ARHGAP44: variants seen among roughly 807,000 people sequenced by gnomAD.
ARHGAP44 encodes the protein rho GTPase-activating protein 44.
ARHGAP44 carries 43 observed loss-of-function variants against 106.8 expected under a neutral mutation model. That is an observed-to-expected ratio of 0.40 (90% confidence interval 0.32 to 0.52). The LOEUF is 0.52. Among genes scored for constraint, ARHGAP44 ranks in the 20% least tolerant of loss-of-function variants. The pLI is 0.48. For synonymous variants in ARHGAP44, 439 were observed against 410.3 expected, an observed-to-expected ratio of 1.07 and a Z score of -0.85; for missense variants, 866 against 1,050.5, an observed-to-expected ratio of 0.82 and a Z score of 2.43.
chr17:12,868,611 A>ATATATATATC, intron 1 of ARHGAP44, among the ~76,000 whole-genome samples: 1 of 143,124 alleles, frequency 7.0e-6, no homozygotes, highest in East Asian at 2.0e-4. Context: ...ATATATATAT[A>ATATATATATC]TATATATATA....
At chr17:12,920,617 G>T (rs377188173) in intron 6 of ARHGAP44, among the ~76,000 whole-genome samples, 1 of 152,106 alleles carries the variant, frequency 6.6e-6, no homozygotes, top group Non-Finnish European at 1.5e-5. Context: ...TGGCTGGGGC[G>T]GAAGGAGCAA....
intron 3 of ARHGAP44, among the ~76,000 whole-genome samples, chr17:12,905,334 A>G (rs1355022232): frequency 6.6e-6 from 1 of 152,180 alleles, no homozygotes; most frequent in Non-Finnish European, 1.5e-5. Context: ...GAGGATGTCA[A>G]AATCATTAGT....
intron 19 of ARHGAP44, among the ~76,000 whole-genome samples, chr17:12,983,743 G>T (rs1250132990): frequency 6.6e-6 from 1 of 152,124 alleles, no homozygotes; most frequent in Non-Finnish European, 1.5e-5. Context: ...GGCGGAGGTT[G>T]TGGTGAGCGG....
At chr17:12,945,434 A>G (rs963186702) in intron 10 of ARHGAP44, among the ~76,000 whole-genome samples, 1 of 152,192 alleles carries the variant, frequency 6.6e-6, no homozygotes, top group African/African-American at 2.4e-5. Context: ...TGATCTGATT[A>G]GCCAATCAGT....
At chr17:12,800,046 G>C (rs184470156) in intron 1 of ARHGAP44, among the ~76,000 whole-genome samples, 2 of 152,284 alleles carry the variant, frequency 1.3e-5, no homozygotes, top group Admixed American at 6.5e-5. Context: ...TATTGTCAAG[G>C]TTAAGTAAGA....
chr17:12,911,974 C>T (rs927110074), intron 4 of ARHGAP44, among the ~76,000 whole-genome samples: 8 of 152,228 alleles, frequency 5.3e-5, no homozygotes, highest in Admixed American at 2.0e-4. Flanking sequence ...GACGCAACCA[C>T]GTCTTTCTAC....
At position 12,910,588 on chromosome 17, in the gene ARHGAP44, G is replaced by A. The variant is rs148544032; in HGVS notation, c.275+1615G>A. ...CACCTCCCGAGTAGCTGGGATTATA[G>A]GCGGGTGCCACCACGCCGGGCTAAT... On this transcript the variant is annotated intron_variant, in intron 4 of 20. Transcript: ENST00000379672. Among the ~76,000 whole-genome samples the A allele has an allele frequency of 8.7e-3, 1,317 of 151,308 alleles. 72 individuals carry two copies. In the East Asian group the frequency reaches 0.17, roughly 19 times the overall value.
chr17:12,907,312 A>G (rs1280452060), intron 3 of ARHGAP44, among the ~76,000 whole-genome samples: 2 of 152,316 alleles, frequency 1.3e-5, no homozygotes, highest in Non-Finnish European at 2.9e-5. Context: ...GGATCATGCT[A>G]AACTCCTATC....
chr17:12,828,746 A>G (rs1357263602), intron 1 of ARHGAP44, among the ~76,000 whole-genome samples: 11 of 144,000 alleles, frequency 7.6e-5, no homozygotes, highest in Non-Finnish European at 1.2e-4. Flanking sequence ...GGTTCATGCC[A>G]TTCTCCTGCC....
intron 1 of ARHGAP44, among the ~76,000 whole-genome samples, chr17:12,867,383 G>A (rs568665654): frequency 2.0e-5 from 3 of 152,240 alleles, no homozygotes; most frequent in South Asian, 4.1e-4. Context: ...GCCAGGGGTG[G>A]GAGGCATGTA....
chr17:12,850,564 A>G (rs11867207), intron 1 of ARHGAP44, among the ~76,000 whole-genome samples: 6,307 of 151,862 alleles, frequency 0.042, 190 homozygotes, highest in East Asian at 0.13. Flanking sequence ...TGGCCTCCAC[A>G]TCACCATGGG....
intron 5 of ARHGAP44, among the ~76,000 whole-genome samples, chr17:12,916,926 GA>G (rs1286966425): frequency 6.6e-6 from 1 of 152,158 alleles, no homozygotes; most frequent in East Asian, 1.9e-4. Context: ...TCCGAAATCT[GA>G]AATATTTTGA....
At chr17:12,946,451 G>C (rs2038852925) in intron 10 of ARHGAP44, among the ~76,000 whole-genome samples, 1 of 148,364 alleles carries the variant, frequency 6.7e-6, no homozygotes, top group South Asian at 2.1e-4. Context: ...TTCAAGACCA[G>C]CCTGGGCAAC....
At chr17:12,843,172 A>G (rs1389825905) in intron 1 of ARHGAP44, among the ~76,000 whole-genome samples, 2 of 152,134 alleles carry the variant, frequency 1.3e-5, no homozygotes, top group African/African-American at 4.8e-5. Context: ...CAGCTGCTTA[A>G]GAGAGGTTAT....
rs2038260031 is a variant in ARHGAP44, at chr17:12,926,785, G to A, written c.465-2144G>A. On this transcript the variant is annotated intron_variant, in intron 6 of 20. Coordinates refer to ENST00000379672, the MANE Select transcript of ARHGAP44 (RefSeq NM_014859.6). ...AGCCATAAAAATCTACTTAGTGTTTGTAGTCACTTTATATATATTTTAAAC... is the reference window on the plus strand; with the variant it reads ...AGCCATAAAAATCTACTTAGTGTTTATAGTCACTTTATATATATTTTAAAC... 3.3e-5 allele frequency among the ~76,000 whole-genome samples: 5 copies of A among 151,846 alleles called. No individual in the cohort carries two copies. The South Asian group carries it at 1.0e-3, about 32-fold the overall frequency.
rs559014982 is a variant in ARHGAP44 at position 12,839,182 on chromosome 17, A to G, written c.53+49291A>G. 5.9e-5 allele frequency among the ~76,000 whole-genome samples: 9 copies of G among 152,256 alleles called. No individual in the cohort carries two copies. The South Asian group carries it at 1.5e-3, about 25-fold the overall frequency. ...CACACAAGTGAAAGGAAGATTGGCCATTTGTCATGGTCTGTTCCCAGAGTA... is the reference window on the plus strand; with the variant it reads ...CACACAAGTGAAAGGAAGATTGGCCGTTTGTCATGGTCTGTTCCCAGAGTA... On this transcript the variant is annotated intron_variant, in intron 1 of 20. Coordinates refer to ENST00000379672, the MANE Select transcript of ARHGAP44 (RefSeq NM_014859.6).
intron 1 of ARHGAP44, among the ~76,000 whole-genome samples, chr17:12,862,712 G>A (rs572231380): frequency 1.3e-5 from 2 of 152,050 alleles, no homozygotes; most frequent in African/African-American, 2.4e-5. Flanking sequence ...AAGATGATTG[G>A]GGCCAGGTGC....
At position 12,984,928 on chromosome 17, in the gene ARHGAP44, CCTCA is replaced by C. The variant is rs375334922; in HGVS notation, c.2317+23_2317+26del. ...CTACAGGTAACCAAGCCACAGGCTCCCTCACTTTTTTTTATGAACTTTAGTGAAA... is the reference window on the plus strand; with the variant it reads ...CTACAGGTAACCAAGCCACAGGCTCCCTTTTTTTTATGAACTTTAGTGAAA... On this transcript the variant is annotated intron_variant, in intron 20 of 20. Coordinates refer to ENST00000379672, the MANE Select transcript of ARHGAP44 (RefSeq NM_014859.6). The C allele has an allele frequency of 1.4e-4, 221 of 1,578,460 alleles. 2 individuals are homozygous for C. In the African/African-American group the frequency reaches 2.5e-3, roughly 18 times the overall value.
In ARHGAP44 at chr17:12,852,277, CTT is replaced by C. The variant is rs66824907; in HGVS notation, c.54-42646_54-42645del. On this transcript the variant is annotated intron_variant, in intron 1 of 20. Coordinates refer to ENST00000379672, the MANE Select transcript of ARHGAP44 (RefSeq NM_014859.6). ...CACCACTAAATCTTCACTTTTGAAGCTTTTTTTTTTTTTTTTTTGGTCAGTTT... is the reference window on the plus strand; with the variant it reads ...CACCACTAAATCTTCACTTTTGAAGCTTTTTTTTTTTTTTTTGGTCAGTTT... Among the ~76,000 whole-genome samples the C allele has an allele frequency of 7.8e-3, 573 of 73,536 alleles. 8 individuals are homozygous for C. The highest frequency in any genetic ancestry group is 0.031 in the African/African-American group (510 of 16,252). 48.2% of individuals were successfully genotyped at this position (73,536 alleles called of 152,430 possible).
Sources: allele counts gnomAD v4.1 joint callset (sites outside exome capture counted in the v4.1 genomes callset), GRCh38; gene constraint gnomAD v4.1.1; transcripts MANE v1.5; gene names NCBI Gene and HGNC (gene_info 2026-07-23, HGNC 2026-07-21).